The following HS3ST5 variants were observed in gnomAD, a reference collection of about 807,000 sequenced individuals.
The protein encoded by HS3ST5 is heparan sulfate glucosamine 3-O-sulfotransferase 5.
HS3ST5 carries 10 observed loss-of-function variants against 25.4 expected under a neutral mutation model. That is an observed-to-expected ratio of 0.39 (90% confidence interval 0.24 to 0.67). The LOEUF is 0.67. HS3ST5 is among the 30% of genes least tolerant of loss of function. The pLI, the probability that HS3ST5 is intolerant of heterozygous loss-of-function variation, is 0.44. For synonymous variants in HS3ST5, 170 were observed against 162.4 expected (o/e 1.05, Z -0.36); for missense variants, 324 against 420.7 (o/e 0.77, Z 2.01).
At chr6:114,277,546 A>G (rs555527414) in intron 1 of HS3ST5, among the ~76,000 whole-genome samples, 2 of 151,938 alleles carry the variant, frequency 1.3e-5, no homozygotes, top group South Asian at 4.2e-4. Context: ...GTATAAATGC[A>G]AATATTAACT....
intron 3 of HS3ST5, among the ~76,000 whole-genome samples, chr6:114,148,027 G>A (rs2114952540): frequency 6.6e-6 from 1 of 152,082 alleles, no homozygotes; most frequent in African/African-American, 2.4e-5. Flanking sequence ...AATTTGAATT[G>A]GAAATTTCAT....
intron 3 of HS3ST5, among the ~76,000 whole-genome samples, chr6:114,115,543 C>T (rs1361134352): frequency 6.6e-6 from 1 of 151,620 alleles, no homozygotes; most frequent in Non-Finnish European, 1.5e-5. Context: ...GCATAGATGC[C>T]AGATTGAATC....
chr6:114,263,353 C>T (rs1773262075), intron 1 of HS3ST5, among the ~76,000 whole-genome samples: 1 of 151,996 alleles, frequency 6.6e-6, no homozygotes, highest in Non-Finnish European at 1.5e-5. Flanking sequence ...AGAAAAAGAT[C>T]TTCACTATGC....
intron 1 of HS3ST5, among the ~76,000 whole-genome samples, chr6:114,294,497 G>T (rs1474008386): frequency 6.8e-6 from 1 of 147,484 alleles, no homozygotes; most frequent in Admixed American, 6.9e-5. Flanking sequence ...CCAGGCTGGA[G>T]TGCTGTGGCG....
chr6:114,103,703 CTT>C (rs34593869), intron 3 of HS3ST5, among the ~76,000 whole-genome samples: 45 of 128,742 alleles, frequency 3.5e-4, no homozygotes, highest in South Asian at 3.2e-3. Context: ...TTTTCTTCTT[CTT>C]TTTTTTTTTT....
At chr6:114,256,746 G>A (rs1345753445) in intron 1 of HS3ST5, among the ~76,000 whole-genome samples, 2 of 152,116 alleles carry the variant, frequency 1.3e-5, no homozygotes, top group African/African-American at 4.8e-5. Context: ...CCTCCAAACT[G>A]TTCCAACCTC....
At chr6:114,230,434 T>A (rs534156155) in intron 1 of HS3ST5, 1 of 152,238 alleles carries the variant, frequency 6.6e-6, no homozygotes, top group Admixed American at 6.5e-5. Context: ...TTTTTCACAT[T>A]TAGCACTTCA....
intron 2 of HS3ST5, among the ~76,000 whole-genome samples, chr6:114,212,583 C>T (rs929982808): frequency 1.3e-5 from 2 of 152,172 alleles, no homozygotes; most frequent in Non-Finnish European, 2.9e-5. Context: ...TATTATTTAG[C>T]ATTTTAATAG....
chr6:114,169,927 G>T (rs554637583), intron 2 of HS3ST5, among the ~76,000 whole-genome samples: 22 of 152,044 alleles, frequency 1.4e-4, no homozygotes, highest in Non-Finnish European at 2.6e-4. Flanking sequence ...GTCACCAGAG[G>T]TTATGCTCTC....
At chr6:114,104,982 A>C (rs959915371) in intron 3 of HS3ST5, among the ~76,000 whole-genome samples, 12 of 152,168 alleles carry the variant, frequency 7.9e-5, no homozygotes, top group African/African-American at 2.9e-4. Flanking sequence ...AGGAAAAAAA[A>C]AAGTTTGTGC....
chr6:114,278,755 C>T (rs572922909), intron 1 of HS3ST5, among the ~76,000 whole-genome samples: 4 of 152,074 alleles, frequency 2.6e-5, no homozygotes, highest in East Asian at 1.9e-4. Context: ...TTAAAAAAGA[C>T]GAAGGCTAGG....
intron 3 of HS3ST5, among the ~76,000 whole-genome samples, chr6:114,080,132 T>G (rs1774371087): frequency 6.6e-6 from 1 of 152,192 alleles, no homozygotes; most frequent in Non-Finnish European, 1.5e-5. Context: ...CCTTGATCCA[T>G]GTACTGTAGA....
chr6:114,340,321 T>C (rs1203667886), intron 1 of HS3ST5, among the ~76,000 whole-genome samples: 1 of 152,232 alleles, frequency 6.6e-6, no homozygotes, highest in Non-Finnish European at 1.5e-5. Flanking sequence ...CATACCTATT[T>C]GAAAATATTT....
intron 3 of HS3ST5, among the ~76,000 whole-genome samples, chr6:114,118,198 T>C (rs769623376): frequency 1.3e-5 from 2 of 152,184 alleles, no homozygotes; most frequent in Non-Finnish European, 2.9e-5. Flanking sequence ...TGAGGTACCA[T>C]TGAGATTCTG....
chr6:114,181,172 T>C (rs1300943231), intron 2 of HS3ST5, among the ~76,000 whole-genome samples: 5 of 152,222 alleles, frequency 3.3e-5, no homozygotes, highest in African/African-American at 1.2e-4. Flanking sequence ...CATCACATTA[T>C]CAGAGTTAGC....
chr6:114,177,259 A>G (rs1254143483), intron 2 of HS3ST5, among the ~76,000 whole-genome samples: 1 of 152,244 alleles, frequency 6.6e-6, no homozygotes, highest in Non-Finnish European at 1.5e-5. Context: ...AATAAATGAT[A>G]TGAAGAACAA....
chr6:114,138,127 A>C (rs1777723743), intron 3 of HS3ST5, among the ~76,000 whole-genome samples: 1 of 152,062 alleles, frequency 6.6e-6, no homozygotes, highest in African/African-American at 2.4e-5. Flanking sequence ...ATTAGCACCC[A>C]TTTCTGATTC....
chr6:114,066,932 T>G (rs535670369), intron 3 of HS3ST5, among the ~76,000 whole-genome samples: 5 of 152,316 alleles, frequency 3.3e-5, no homozygotes, highest in Admixed American at 3.3e-4. Flanking sequence ...AATCACTTCC[T>G]CTTGAAAGTC....
At chr6:114,240,363 G>A (rs1008559971) in intron 1 of HS3ST5, among the ~76,000 whole-genome samples, 1 of 152,026 alleles carries the variant, frequency 6.6e-6, no homozygotes, top group Non-Finnish European at 1.5e-5. Flanking sequence ...TTTTCAATTT[G>A]TTTTTAATCC....
Sources: allele counts gnomAD v4.1 joint callset (sites outside exome capture counted in the v4.1 genomes callset), GRCh38; gene constraint gnomAD v4.1.1; transcripts MANE v1.5; gene names NCBI Gene and HGNC (gene_info 2026-07-23, HGNC 2026-07-21).